The following RANBP17 variants were observed in gnomAD, a reference collection of about 807,000 sequenced individuals.
RANBP17 encodes RAN binding protein 17.
A neutral mutation model predicts 141.2 loss-of-function variants in RANBP17; 158 were observed. The observed-to-expected ratio is 1.12, with a 90% CI of 0.98 to 1.28. The LOEUF (loss-of-function observed/expected upper bound fraction) is 1.28, where lower values mean the gene tolerates loss of function less well. Among genes scored for constraint, RANBP17 ranks in the 50% most tolerant of loss-of-function variants. The pLI is 0.00. For missense variants in RANBP17, 1,438 were observed against 1,290.7 expected (o/e 1.11, Z -1.75); for synonymous variants, 430 against 450.0 (o/e 0.96, Z 0.56).
chr5:171,074,587 C>G (rs1177091986), intron 14 of RANBP17, among the ~76,000 whole-genome samples: 1 of 152,176 alleles, frequency 6.6e-6, no homozygotes, highest in East Asian at 1.9e-4. Flanking sequence ...TCTGTACTCT[C>G]TTTGCAACTT....
intron 14 of RANBP17, among the ~76,000 whole-genome samples, chr5:171,136,818 A>G (rs1454310511): frequency 6.6e-6 from 1 of 152,212 alleles, no homozygotes; most frequent in Non-Finnish European, 1.5e-5. Context: ...ATAAAAATTC[A>G]TCATAGACTT....
rs772680961 is a variant in RANBP17, at chr5:171,213,727, T to C, written c.2328T>C (p.Leu776=). The C allele has an allele frequency of 8.1e-6, 13 of 1,611,204 alleles. No individual in the cohort carries two copies. The South Asian group carries it at 1.4e-4, about 18-fold the overall frequency. The change falls in exon 21 of 28, where the codon CTT becomes CTC. Residue 776 remains leucine, a synonymous_variant. Coordinates refer to ENST00000523189, the MANE Select transcript of RANBP17 (RefSeq NM_022897.5). ...TTPILKLMAE[L]MQNRSQRLNF... is the part of the protein sequence containing the mutation. Reference sequence around the variant, plus strand: ...CCATCTTGAAACTTATGGCAGAACTTATGCAAAACAGGTAAGCAGTGTGAC... The same window carrying C: ...CCATCTTGAAACTTATGGCAGAACTCATGCAAAACAGGTAAGCAGTGTGAC...
intron 14 of RANBP17, among the ~76,000 whole-genome samples, chr5:171,058,239 C>T (rs1354401933): frequency 1.3e-5 from 2 of 151,356 alleles, no homozygotes; most frequent in Non-Finnish European, 2.9e-5. Context: ...TATACATATG[C>T]CATGCTGGTG....
At chr5:171,119,124 C>T (rs1395671806) in intron 14 of RANBP17, among the ~76,000 whole-genome samples, 18 of 152,106 alleles carry the variant, frequency 1.2e-4, no homozygotes, top group Non-Finnish European at 1.0e-4. Context: ...GAATTTTTAT[C>T]ATGAAGGGAT....
chr5:171,166,264 C>T (rs1287719138), intron 14 of RANBP17, among the ~76,000 whole-genome samples: 1 of 152,048 alleles, frequency 6.6e-6, no homozygotes, highest in African/African-American at 2.4e-5. Context: ...AAAGGCATAA[C>T]CATATATTCA....
chr5:170,894,856 T>A (rs1195980875), intron 4 of RANBP17, among the ~76,000 whole-genome samples: 1 of 152,160 alleles, frequency 6.6e-6, no homozygotes, highest in Non-Finnish European at 1.5e-5. Flanking sequence ...CCTTCTTCAT[T>A]GAGAAAGACT....
intron 13 of RANBP17, among the ~76,000 whole-genome samples, chr5:170,966,389 A>G (rs540627747): frequency 2.8e-4 from 43 of 152,358 alleles, no homozygotes; most frequent in African/African-American, 9.9e-4. Flanking sequence ...CTGGTTCAAT[A>G]TACGCAAATC....
At chr5:171,098,081 G>C (rs1786833978) in intron 14 of RANBP17, among the ~76,000 whole-genome samples, 1 of 152,154 alleles carries the variant, frequency 6.6e-6, no homozygotes, top group East Asian at 1.9e-4. Flanking sequence ...ATTGTGAATA[G>C]TGCTGCAATA....
intron 14 of RANBP17, among the ~76,000 whole-genome samples, chr5:171,117,650 C>G (rs552154650): frequency 6.6e-6 from 1 of 151,936 alleles, no homozygotes; most frequent in African/African-American, 2.4e-5. Flanking sequence ...CACGCCATGA[C>G]GTCCAGCTAA....
chr5:170,877,555 C>T (rs1198869636), intron 1 of RANBP17, among the ~76,000 whole-genome samples: 3 of 152,162 alleles, frequency 2.0e-5, no homozygotes, highest in Non-Finnish European at 2.9e-5. Flanking sequence ...AGTCACCATG[C>T]CCGGCCTTAA....
At chr5:170,950,647 A>G (rs1189998218) in intron 12 of RANBP17, among the ~76,000 whole-genome samples, 1 of 152,190 alleles carries the variant, frequency 6.6e-6, no homozygotes, top group Non-Finnish European at 1.5e-5. Flanking sequence ...AATGTAAATT[A>G]AAACAGCCAT....
chr5:170,920,059 C>T (rs900377388), intron 11 of RANBP17, among the ~76,000 whole-genome samples: 1 of 152,050 alleles, frequency 6.6e-6, no homozygotes, highest in South Asian at 2.1e-4. Context: ...ACCAATTCAC[C>T]TGTTGCTGGA....
intron 2 of RANBP17, among the ~76,000 whole-genome samples, chr5:170,879,184 A>G (rs1222187899): frequency 6.6e-6 from 1 of 152,190 alleles, no homozygotes; most frequent in Non-Finnish European, 1.5e-5. Flanking sequence ...TCACATAGAT[A>G]GGTACTGCTA....
At chr5:170,998,959 A>G (rs971619722) in intron 14 of RANBP17, among the ~76,000 whole-genome samples, 1 of 152,050 alleles carries the variant, frequency 6.6e-6, no homozygotes, top group Non-Finnish European at 1.5e-5. Flanking sequence ...ATACCATTGT[A>G]TAGTTCAGAA....
chr5:170,916,110 T>C (rs1378220274), intron 8 of RANBP17, among the ~76,000 whole-genome samples: 1 of 148,096 alleles, frequency 6.8e-6, no homozygotes, highest in Non-Finnish European at 1.5e-5. Flanking sequence ...TCATGCGTTA[T>C]ATTCTATATT....
chr5:171,106,540 A>G (rs1754851908), intron 14 of RANBP17, among the ~76,000 whole-genome samples: 1 of 152,174 alleles, frequency 6.6e-6, no homozygotes, highest in South Asian at 2.1e-4. Context: ...AGAGGAGGAA[A>G]ATGATGGAAG....
chr5:171,236,440 C>T (rs2127992937), intron 22 of RANBP17, among the ~76,000 whole-genome samples: 1 of 152,232 alleles, frequency 6.6e-6, no homozygotes, highest in South Asian at 2.1e-4. Flanking sequence ...AAGCAAATAG[C>T]AAAACTGTAA....
chr5:171,296,270 C>A (rs565760878), intron 27 of RANBP17, among the ~76,000 whole-genome samples: 1 of 152,156 alleles, frequency 6.6e-6, no homozygotes, highest in East Asian at 1.9e-4. Flanking sequence ...TACAATTCAA[C>A]AGGAGAGATA....
intron 24 of RANBP17, among the ~76,000 whole-genome samples, chr5:171,255,094 A>G (rs1765803237): frequency 6.6e-6 from 1 of 152,192 alleles, no homozygotes; most frequent in African/African-American, 2.4e-5. Flanking sequence ...TCTTTAAGAT[A>G]GTTTCTAAAG....
Sources: allele counts gnomAD v4.1 joint callset (sites outside exome capture counted in the v4.1 genomes callset), GRCh38; gene constraint gnomAD v4.1.1; transcripts MANE v1.5; gene names NCBI Gene and HGNC (gene_info 2026-07-23, HGNC 2026-07-21).